Variants in MBD5 observed in about 807,000 individuals in gnomAD.
MBD5 encodes the protein methyl-CpG-binding domain protein 5.
MBD5 carries 13 observed loss-of-function variants against 117.3 expected under a neutral mutation model. The ratio of observed to expected loss-of-function variants is 0.11; its 90% CI spans 0.07 to 0.18. The LOEUF (loss-of-function observed/expected upper bound fraction) is 0.18. MBD5 is among the 10% of genes least tolerant of loss of function. The pLI is 1.00. For synonymous variants in MBD5, 727 were observed against 766.4 expected (o/e 0.95, Z 0.85); for missense variants, 1,879 against 2,093.8 (o/e 0.90, Z 2.00).
chr2:148,341,244 ACT>A (rs985494595), intron 3 of MBD5, among the ~76,000 whole-genome samples: 1 of 151,904 alleles, frequency 6.6e-6, no homozygotes, highest in African/African-American at 2.4e-5. Flanking sequence ...GGTGTGTGAT[ACT>A]GTGTGTGTTT....
chr2:148,273,297 C>G (rs751807051), intron 3 of MBD5, among the ~76,000 whole-genome samples: 1 of 152,130 alleles, frequency 6.6e-6, no homozygotes, highest in African/African-American at 2.4e-5. Flanking sequence ...CTGAAGCTAA[C>G]CCCCACTTTG....
intron 1 of MBD5, among the ~76,000 whole-genome samples, chr2:148,095,397 TA>T (rs1696043321): frequency 6.6e-6 from 1 of 152,172 alleles, no homozygotes; most frequent in African/African-American, 2.4e-5. Flanking sequence ...AAATGATTTA[TA>T]GCTGACCACC....
intron 1 of MBD5, among the ~76,000 whole-genome samples, chr2:148,048,246 G>A (rs1379530768): frequency 2.6e-5 from 4 of 152,130 alleles, no homozygotes; most frequent in South Asian, 2.1e-4. Context: ...TGCCTGGTCC[G>A]TCTCAGTAGG....
intron 4 of MBD5, chr2:148,346,390 G>A (rs193197156): frequency 6.6e-6 from 1 of 151,696 alleles, no homozygotes; most frequent in Non-Finnish European, 1.5e-5. Flanking sequence ...AAATGGAATC[G>A]GTAGATCAAA....
intron 1 of MBD5, among the ~76,000 whole-genome samples, chr2:148,075,525 A>C (rs922340017): frequency 4.6e-5 from 7 of 152,220 alleles, no homozygotes; most frequent in African/African-American, 1.4e-4. Context: ...CAATTTTAAA[A>C]TTACTACATT....
intron 4 of MBD5, among the ~76,000 whole-genome samples, chr2:148,361,260 G>A (rs1439044826): frequency 6.6e-6 from 1 of 152,038 alleles, no homozygotes; most frequent in Non-Finnish European, 1.5e-5. Context: ...TGAGGGAGGA[G>A]AATCTCTTGA....
intron 3 of MBD5, among the ~76,000 whole-genome samples, chr2:148,267,390 T>C (rs530047140): frequency 1.3e-5 from 2 of 152,270 alleles, no homozygotes. Context: ...ATCAGATGGG[T>C]TAAAGATGTT....
At chr2:148,512,400 T>G (rs1682246789) in intron 13 of MBD5, 1 of 230,130 alleles carries the variant, frequency 4.3e-6, no homozygotes, top group East Asian at 1.0e-4. Context: ...TATTATAATT[T>G]GTGACCCTTC....
At chr2:148,415,447 A>G (rs181635158) in intron 4 of MBD5, among the ~76,000 whole-genome samples, 2 of 151,930 alleles carry the variant, frequency 1.3e-5, no homozygotes, top group Non-Finnish European at 2.9e-5. Flanking sequence ...TGTGTTGAGG[A>G]TGTTCATCTT....
rs373177231 is a variant in MBD5, at chr2:148,489,686, G to T, written c.4054G>T (p.Ala1352Ser). Residue 1352 changes from alanine (A) to serine (S), a missense_variant, in exon 11 of 14, where the codon GCT (alanine) becomes TCT (serine). Coordinates refer to ENST00000642680, the MANE Select transcript of MBD5 (RefSeq NM_001378120.1). ...TACAACTCAGATCAGCCCCATTCCA[G>T]CTCTGAGTGCCATGAGTGCCTTCAC... Reference protein sequence around the residue: ...NSTTQISPIPALSAMSAFTAS... With the variant: ...NSTTQISPIPSLSAMSAFTAS... 1.2e-5 allele frequency: 19 copies of T among 1,614,056 alleles called. No homozygotes were observed. The highest frequency in any genetic ancestry group is 2.2e-5 in the East Asian group (1 of 44,892).
intron 8 of MBD5, 80 bp downstream of exon 8, chr2:148,470,541 TATG>T (rs1229137424): frequency 4.5e-6 from 5 of 1,121,550 alleles, no homozygotes; most frequent in Non-Finnish European, 5.0e-6. Flanking sequence ...AAATATTTAT[TATG>T]ATAAGAAATG....
At chr2:148,107,854 A>T (rs1315227637) in intron 1 of MBD5, among the ~76,000 whole-genome samples, 4 of 152,132 alleles carry the variant, frequency 2.6e-5, no homozygotes. Flanking sequence ...GATTTTTTAT[A>T]TCATGAACTA....
At chr2:148,305,850 A>G (rs767436581) in intron 3 of MBD5, among the ~76,000 whole-genome samples, 15 of 152,218 alleles carry the variant, frequency 9.9e-5, no homozygotes, top group Non-Finnish European at 2.1e-4. Context: ...TTACAAGTAT[A>G]TAATGAAACC....
At chr2:148,221,479 CATT>C (rs1274894056) in intron 2 of MBD5, among the ~76,000 whole-genome samples, 1 of 152,130 alleles carries the variant, frequency 6.6e-6, no homozygotes, top group Non-Finnish European at 1.5e-5. Context: ...GATGATATCT[CATT>C]GTAGTTTGGA....
At chr2:148,209,762 T>A (rs1332542926) in intron 2 of MBD5, among the ~76,000 whole-genome samples, 1 of 151,968 alleles carries the variant, frequency 6.6e-6, no homozygotes, top group African/African-American at 2.4e-5. Flanking sequence ...GCAAAGCATG[T>A]CACATGGTGA....
intron 1 of MBD5, among the ~76,000 whole-genome samples, chr2:148,113,023 A>G (rs1206963961): frequency 2.0e-5 from 3 of 152,320 alleles, no homozygotes; most frequent in South Asian, 4.1e-4. Context: ...ATAAATAAAT[A>G]TCTCATTAGA....
At chr2:148,399,498 G>C (rs1470668193) in intron 4 of MBD5, among the ~76,000 whole-genome samples, 1 of 152,148 alleles carries the variant, frequency 6.6e-6, no homozygotes, top group African/African-American at 2.4e-5. Flanking sequence ...TTAGCACATG[G>C]ATTTTGTATC....
chr2:148,322,238 A>C (rs1183451481), intron 3 of MBD5, among the ~76,000 whole-genome samples: 2 of 152,240 alleles, frequency 1.3e-5, no homozygotes, highest in Non-Finnish European at 2.9e-5. Flanking sequence ...ATTTGAATGT[A>C]AATTGGCTTA....
intron 1 of MBD5, chr2:148,062,702 A>C (rs886465168): frequency 6.6e-6 from 1 of 152,072 alleles, no homozygotes; most frequent in African/African-American, 2.4e-5. Flanking sequence ...TTCATTAACC[A>C]TGGTGGTATG....
Sources: allele counts gnomAD v4.1 joint callset (sites outside exome capture counted in the v4.1 genomes callset), GRCh38; gene constraint gnomAD v4.1.1; transcripts MANE v1.5; gene names NCBI Gene and HGNC (gene_info 2026-07-23, HGNC 2026-07-21).